The following SLC24A2 variants were observed in gnomAD, a reference collection of about 807,000 sequenced individuals.
SLC24A2 encodes sodium/potassium/calcium exchanger 2.
SLC24A2 carries 36 observed loss-of-function variants against 62.0 expected under a neutral mutation model. The observed-to-expected ratio is 0.58, with a 90% CI of 0.44 to 0.77. The LOEUF (loss-of-function observed/expected upper bound fraction) is 0.77, where lower values mean the gene tolerates loss of function less well. Among genes scored for constraint, SLC24A2 ranks in the 30% least tolerant of loss-of-function variants. The pLI, the probability that SLC24A2 is intolerant of heterozygous loss-of-function variation, is 0.00. For synonymous variants in SLC24A2, 358 were observed against 294.0 expected, an observed-to-expected ratio of 1.22 and a Z score of -2.23; for missense variants, 846 against 817.9, an observed-to-expected ratio of 1.03 and a Z score of -0.42.
chr9:19,885,643 G>A, the SLC24A2 span, among the ~76,000 whole-genome samples: 2 of 152,026 alleles, frequency 1.3e-5, no homozygotes, highest in Non-Finnish European at 2.9e-5. Flanking sequence ...TACAGGGTTG[G>A]TTATACAGGT....
At chr9:19,748,197 T>C (rs577343688) in intron 2 of SLC24A2, among the ~76,000 whole-genome samples, 1 of 152,294 alleles carries the variant, frequency 6.6e-6, no homozygotes, top group South Asian at 2.1e-4. Flanking sequence ...GGGCTCACAC[T>C]CAGCTCAGCT....
chr9:19,517,192 A>C (rs1364078245), intron 10 of SLC24A2, among the ~76,000 whole-genome samples: 1 of 152,108 alleles, frequency 6.6e-6, no homozygotes, highest in Non-Finnish European at 1.5e-5. Context: ...ATTGACTAGA[A>C]CTCTGGGAAA....
the SLC24A2 span, among the ~76,000 whole-genome samples, chr9:20,301,733 A>G: frequency 6.6e-6 from 1 of 152,152 alleles, no homozygotes; most frequent in African/African-American, 2.4e-5. Context: ...ACTGTCAGCC[A>G]ATGTTGACAC....
the SLC24A2 span, among the ~76,000 whole-genome samples, chr9:20,121,097 A>C: frequency 7.1e-6 from 1 of 140,728 alleles, no homozygotes; most frequent in Non-Finnish European, 1.6e-5. Flanking sequence ...TTTTTTTCAA[A>C]ATTGTTTCAG....
rs1395577845 is a variant in SLC24A2, at chr9:19,509,054, A to C, written c.*7099T>G. 1 of 152,146 alleles carries C rather than the reference A, an allele frequency of 6.6e-6. No individual in the cohort carries two copies. The highest frequency in any genetic ancestry group is 1.5e-5 in the Non-Finnish European group (1 of 68,016). The allele number at this position is 152,146 out of a possible 1,614,324, so 9.4% of individuals were successfully genotyped here. A position where few individuals can be genotyped will look rare whatever the true frequency, so the allele number is the denominator to read the frequency against. On this transcript the variant is annotated 3_prime_UTR_variant, in exon 11 of 11. Transcript: ENST00000341998. ...CTCTATTTCCCATTTTTATAAGGGA[A>C]CTTCTTAGACCCATCCTATATTTAT...
intron 10 of SLC24A2, among the ~76,000 whole-genome samples, chr9:19,516,609 A>C (rs1832942458): frequency 1.3e-5 from 2 of 152,308 alleles, no homozygotes; most frequent in African/African-American, 4.8e-5. Flanking sequence ...TTATGTCCTG[A>C]CTGAATTCAG....
the SLC24A2 span, among the ~76,000 whole-genome samples, chr9:19,842,638 G>A: frequency 5.9e-5 from 9 of 152,238 alleles, no homozygotes; most frequent in South Asian, 4.1e-4. Flanking sequence ...TCCAAGGGGG[G>A]GATGTTCCCA....
the SLC24A2 span, among the ~76,000 whole-genome samples, chr9:19,966,050 G>T: frequency 6.6e-6 from 1 of 151,982 alleles, no homozygotes; most frequent in Non-Finnish European, 1.5e-5. Flanking sequence ...CTTTTGATTG[G>T]CTTGATCTCT....
At chr9:20,079,519 T>A in the SLC24A2 span, among the ~76,000 whole-genome samples, 1 of 152,254 alleles carries the variant, frequency 6.6e-6, no homozygotes, top group Admixed American at 6.5e-5. Context: ...ATGGACATAC[T>A]GCACATTGGC....
the SLC24A2 span, among the ~76,000 whole-genome samples, chr9:20,060,845 A>C: frequency 6.6e-6 from 1 of 152,358 alleles, no homozygotes; most frequent in African/African-American, 2.4e-5. Flanking sequence ...TAAGGTCACA[A>C]GTTGCAAGAT....
At chr9:20,092,817 C>T in the SLC24A2 span, among the ~76,000 whole-genome samples, 1 of 152,108 alleles carries the variant, frequency 6.6e-6, no homozygotes, top group Non-Finnish European at 1.5e-5. Flanking sequence ...GGTCAGAATG[C>T]TATACATTAG....
chr9:19,517,990 G>A (rs925547442), intron 10 of SLC24A2, among the ~76,000 whole-genome samples: 4 of 146,314 alleles, frequency 2.7e-5, no homozygotes, highest in Non-Finnish European at 6.0e-5. Context: ...GAGTTTAATC[G>A]CACTATAAAT....
intron 10 of SLC24A2, among the ~76,000 whole-genome samples, chr9:19,520,248 C>T (rs965293177): frequency 6.6e-6 from 1 of 152,192 alleles, no homozygotes; most frequent in Non-Finnish European, 1.5e-5. Flanking sequence ...GTTTATTTGT[C>T]AGACTATTTT....
At chr9:19,718,458 ATTTTTTTTTTT>A (rs58736549) in intron 2 of SLC24A2, among the ~76,000 whole-genome samples, 1 of 99,798 alleles carries the variant, frequency 1.0e-5, no homozygotes, top group South Asian at 3.3e-4. Flanking sequence ...ATGCCTGGCT[ATTTTTTTTTTT>A]TTTTTTTTTT....
chr9:20,040,371 G>T, the SLC24A2 span, among the ~76,000 whole-genome samples: 2 of 152,218 alleles, frequency 1.3e-5, no homozygotes, highest in African/African-American at 4.8e-5. Context: ...ATGCTAATAT[G>T]GTTCAGAATG....
the SLC24A2 span, among the ~76,000 whole-genome samples, chr9:20,184,995 G>A: frequency 7.2e-5 from 11 of 152,132 alleles, no homozygotes; most frequent in Admixed American, 5.2e-4. Context: ...AGTCAGGCAC[G>A]GAAAAACAAA....
the SLC24A2 span, among the ~76,000 whole-genome samples, chr9:19,970,435 G>A: frequency 3.9e-5 from 6 of 152,202 alleles, no homozygotes; most frequent in Admixed American, 6.6e-5. Flanking sequence ...AAATACAGGT[G>A]TGTGAGTGTT....
the SLC24A2 span, among the ~76,000 whole-genome samples, chr9:20,147,346 C>G: frequency 1.3e-5 from 2 of 152,092 alleles, no homozygotes; most frequent in Non-Finnish European, 1.5e-5. Flanking sequence ...AAAAATTTCA[C>G]AGGGGAAGGA....
chr9:20,198,257 T>A, the SLC24A2 span, among the ~76,000 whole-genome samples: 1 of 152,198 alleles, frequency 6.6e-6, no homozygotes, highest in Non-Finnish European at 1.5e-5. Context: ...TTGTTTGAAG[T>A]CACTAAGCTT....
Sources: gnomAD v4.1 joint callset for allele counts (sites outside exome capture counted in the v4.1 genomes callset) on GRCh38, gnomAD v4.1.1 for gene constraint, MANE v1.5 for transcripts, NCBI Gene and HGNC (gene_info 2026-07-23, HGNC 2026-07-21) for gene names.